MECOM: variants seen among roughly 807,000 people sequenced by gnomAD.
MECOM encodes the protein MDS1 and EVI1 complex locus, also known as histone-lysine N-methyltransferase MECOM.
A neutral mutation model predicts 116.3 loss-of-function variants in MECOM; 13 were observed. That is an observed-to-expected ratio of 0.11 (90% confidence interval 0.07 to 0.18). The LOEUF (loss-of-function observed/expected upper bound fraction) is 0.18. Among genes scored for constraint, MECOM ranks in the 10% least tolerant of loss-of-function variants. MECOM has a pLI of 1.00. For synonymous variants in MECOM, 528 were observed against 535.2 expected, an observed-to-expected ratio of 0.99 and a Z score of 0.19; for missense variants, 1,299 against 1,509.0, an observed-to-expected ratio of 0.86 and a Z score of 2.31.
intron 1 of MECOM, among the ~76,000 whole-genome samples, chr3:169,536,296 A>T (rs2109189371): frequency 6.7e-6 from 1 of 148,276 alleles, no homozygotes; most frequent in South Asian, 2.1e-4. Context: ...TTAGGACCAT[A>T]TCTGGTGTAA....
At chr3:169,430,623 G>A (rs78237128) in intron 1 of MECOM, among the ~76,000 whole-genome samples, 22,937 of 152,130 alleles carry the variant, frequency 0.15, 1,922 homozygotes, top group East Asian at 0.35. Context: ...CTAGTAATCT[G>A]TGTCCACAAG....
At chr3:169,643,945 C>A (rs916447150) in intron 1 of MECOM, among the ~76,000 whole-genome samples, 3 of 152,192 alleles carry the variant, frequency 2.0e-5, no homozygotes, top group Non-Finnish European at 4.4e-5. Flanking sequence ...TGCAGTCTAG[C>A]AGCTAAGAAA....
At chr3:169,475,899 T>A (rs1389441754) in intron 1 of MECOM, among the ~76,000 whole-genome samples, 2 of 152,210 alleles carry the variant, frequency 1.3e-5, no homozygotes, top group African/African-American at 4.8e-5. Context: ...GGTTTTTTTT[T>A]ATTGCAACAG....
chr3:169,267,384 A>T (rs867858199), intron 2 of MECOM, among the ~76,000 whole-genome samples: 4 of 152,272 alleles, frequency 2.6e-5, no homozygotes, highest in African/African-American at 9.6e-5. Context: ...CTCTCTTTAC[A>T]TCTCATGGCC....
rs144575169 is a variant in MECOM, at chr3:169,483,438, G to A, written c.38-101914C>T. On this transcript the variant is annotated intron_variant, in intron 1 of 16. Coordinates refer to ENST00000651503, the MANE Select transcript of MECOM (RefSeq NM_004991.4). ...CTGCCTCCCCAATGGCTGTCAGTTCGGTAAAGTCACCCTCTCCTTCTACTC... is the reference window on the plus strand; with the variant it reads ...CTGCCTCCCCAATGGCTGTCAGTTCAGTAAAGTCACCCTCTCCTTCTACTC... 0.015 allele frequency among the ~76,000 whole-genome samples: 2,059 copies of A among 141,180 alleles called. 159 individuals carry two copies. The East Asian group carries it at 0.25, about 17-fold the overall frequency. The allele number at this position is 141,180 out of a possible 152,430, so 92.6% of individuals were successfully genotyped here. A position where few individuals can be genotyped will look rare whatever the true frequency, so the allele number is the denominator to read the frequency against.
intron 1 of MECOM, among the ~76,000 whole-genome samples, chr3:169,457,879 C>G (rs1190703975): frequency 1.3e-5 from 2 of 152,132 alleles, no homozygotes; most frequent in Non-Finnish European, 2.9e-5. Context: ...TGTGATGTAA[C>G]CTAAGCTAGG....
chr3:169,299,150 T>A (rs759851761), intron 2 of MECOM, among the ~76,000 whole-genome samples: 1 of 152,084 alleles, frequency 6.6e-6, no homozygotes, highest in Admixed American at 6.5e-5. Flanking sequence ...TCACTAGGAA[T>A]TGCCTCAGAG....
chr3:169,108,016 A>G (rs966185762), intron 9 of MECOM, 64 bp from the exon 10 acceptor site: 11 of 1,363,420 alleles, frequency 8.1e-6, no homozygotes, highest in Non-Finnish European at 1.1e-5. Flanking sequence ...ATTGCAATCT[A>G]TCCTTTGAGA....
At chr3:169,206,317 A>G (rs1749909052) in intron 2 of MECOM, among the ~76,000 whole-genome samples, 1 of 152,184 alleles carries the variant, frequency 6.6e-6, no homozygotes, top group Non-Finnish European at 1.5e-5. Context: ...ATTGGCAATT[A>G]TGACTTCAGT....
intron 1 of MECOM, chr3:169,483,852 T>C: frequency 6.2e-7 from 1 of 1,611,490 alleles, no homozygotes; most frequent in Non-Finnish European, 8.5e-7. Context: ...CACGGTGATC[T>C]TGCTCTTGCT....
intron 7 of MECOM, among the ~76,000 whole-genome samples, chr3:169,119,353 G>T (rs188026507): frequency 6.6e-6 from 1 of 152,172 alleles, no homozygotes; most frequent in Admixed American, 6.5e-5. Flanking sequence ...TGGTTCTCTG[G>T]CAGATTTTAA....
chr3:169,553,625 TG>T (rs562415750), intron 1 of MECOM, among the ~76,000 whole-genome samples: 86 of 152,340 alleles, frequency 5.6e-4, no homozygotes, highest in African/African-American at 1.9e-3. Context: ...ATACTTCACA[TG>T]GGGTGGCTTA....
In MECOM at chr3:169,469,931, A is replaced by T. The variant is rs570233988; in HGVS notation, c.38-88407T>A. On this transcript the variant is annotated intron_variant, in intron 1 of 16. Coordinates refer to ENST00000651503, the MANE Select transcript of MECOM (RefSeq NM_004991.4). ...ATAGCACTCATTAACCCCCAACCAG[A>T]GAACGTGGTCATCACACATTAACTT... 8.3e-4 allele frequency among the ~76,000 whole-genome samples: 126 copies of T among 152,320 alleles called. 4 individuals are homozygous for T. Among genetic ancestry groups the T allele is most frequent in the Admixed American group, 8.1e-3 (124 of 15,296 alleles).
chr3:169,354,396 A>G (rs1726888382), intron 2 of MECOM, among the ~76,000 whole-genome samples: 1 of 151,946 alleles, frequency 6.6e-6, no homozygotes, highest in South Asian at 2.1e-4. Context: ...CAAAGTTGCC[A>G]GAAATTCCTC....
chr3:169,572,940 C>T (rs900832175), intron 1 of MECOM, among the ~76,000 whole-genome samples: 75 of 152,132 alleles, frequency 4.9e-4, no homozygotes, highest in African/African-American at 1.6e-3. Context: ...AACAAACCTG[C>T]ACGTTCTGCA....
intron 5 of MECOM, 28 bp from the exon 6 acceptor site, chr3:169,122,755 G>T (rs765175428): frequency 8.1e-6 from 13 of 1,606,504 alleles, no homozygotes; most frequent in Non-Finnish European, 1.0e-5. Flanking sequence ...GATTTTAAAA[G>T]ACAAAGGATG....
intron 1 of MECOM, among the ~76,000 whole-genome samples, chr3:169,549,860 G>A (rs1031992480): frequency 2.6e-5 from 4 of 152,120 alleles, no homozygotes; most frequent in Admixed American, 6.5e-5. Flanking sequence ...GTCCAGAAGC[G>A]GATTCAAAAC....
chr3:169,122,696 C>T lies in MECOM; in HGVS notation c.862G>A (p.Glu288Lys). The T allele has an allele frequency of 6.2e-7, 1 of 1,614,002 alleles. No homozygotes were observed. The highest frequency in any genetic ancestry group is 8.5e-7 in the Non-Finnish European group (1 of 1,179,876). Residue 288 changes from glutamate to lysine, a missense_variant, in exon 6 of 17, where the codon GAG becomes AAG. By Grantham distance (56) the Glu-to-Lys change is moderately conservative (BLOSUM62 1). Around this residue, in one of 6 missense-constraint regions of MECOM, gnomAD observed 374 missense variants for 433.4 expected, o/e 0.86. Coordinates refer to ENST00000651503, the MANE Select transcript of MECOM (RefSeq NM_004991.4). ...LEKHMLSHTE[E>K]REYKCDQCPK... ...CACTGATCACACTTGTATTCCCTCT[C>T]TTCAGTATGTGACAGCATGTGTTTC...
intron 3 of MECOM, among the ~76,000 whole-genome samples, chr3:169,139,279 T>A (rs1159095521): frequency 6.6e-6 from 1 of 152,056 alleles, no homozygotes; most frequent in Admixed American, 6.6e-5. Flanking sequence ...ATACCAGCTG[T>A]CAAGGGCCTA....
Sources: allele counts gnomAD v4.1 joint callset (sites outside exome capture counted in the v4.1 genomes callset), GRCh38; gene constraint gnomAD v4.1.1; regional missense constraint gnomAD v4.1.1; transcripts MANE v1.5; gene names NCBI Gene and HGNC (gene_info 2026-07-23, HGNC 2026-07-21).